The following SLC16A10 variants were observed in gnomAD, a reference collection of about 807,000 sequenced individuals.
SLC16A10 encodes solute carrier family 16 member 10.
A neutral mutation model predicts 40.0 loss-of-function variants in SLC16A10; 27 were observed. The ratio of observed to expected loss-of-function variants is 0.67; its 90% CI spans 0.50 to 0.93. The LOEUF (loss-of-function observed/expected upper bound fraction) is 0.93. SLC16A10 is among the 40% of genes least tolerant of loss of function. The pLI is 0.00. For missense variants in SLC16A10, 529 were observed against 658.2 expected (o/e 0.80, Z 2.15); for synonymous variants, 213 against 249.8 (o/e 0.85, Z 1.39).
At chr6:111,106,591 A>C (rs1306310746) in intron 1 of SLC16A10, among the ~76,000 whole-genome samples, 1 of 152,234 alleles carries the variant, frequency 6.6e-6, no homozygotes, top group Non-Finnish European at 1.5e-5. Context: ...ACTTGAGAGG[A>C]TAAATTAATC....
At chr6:111,127,134 G>A (rs761809248) in intron 1 of SLC16A10, among the ~76,000 whole-genome samples, 27 of 152,148 alleles carry the variant, frequency 1.8e-4, no homozygotes, top group Non-Finnish European at 5.9e-5. Flanking sequence ...AGGAGCACAG[G>A]GCAAACCTGG....
chr6:111,112,731 CA>C (rs1451657759), intron 1 of SLC16A10, among the ~76,000 whole-genome samples: 1 of 152,098 alleles, frequency 6.6e-6, no homozygotes, highest in Non-Finnish European at 1.5e-5. Flanking sequence ...TTTTTATTTG[CA>C]ATTTTGCCTT....
At chr6:111,198,167 A>G (rs752149868) in intron 3 of SLC16A10, among the ~76,000 whole-genome samples, 2 of 152,116 alleles carry the variant, frequency 1.3e-5, no homozygotes, top group East Asian at 3.9e-4. Flanking sequence ...CACACCTGTA[A>G]TCTCAGCTAC....
chr6:111,112,693 CTATT>C (rs1166347733), intron 1 of SLC16A10, among the ~76,000 whole-genome samples: 8 of 152,162 alleles, frequency 5.3e-5, no homozygotes, highest in African/African-American at 7.2e-5. Context: ...ATTCCAATGT[CTATT>C]TAATTAGTAG....
At chr6:111,151,140 G>A (rs931911021) in intron 1 of SLC16A10, among the ~76,000 whole-genome samples, 1 of 152,142 alleles carries the variant, frequency 6.6e-6, no homozygotes, top group African/African-American at 2.4e-5. Context: ...AATTTGGAAA[G>A]TACCCCATGA....
Position 111,219,053 on chromosome 6 carries a change from T to G in SLC16A10, c.1315+11T>G. ...GCCCACCCATTGCAGGTAAATATAA[T>G]GATTCTCCAGTAGTTATATTAATTC... On this transcript the variant is annotated intron_variant, in intron 5 of 5. Transcript: ENST00000368851. The G allele has an allele frequency of 6.2e-7, 1 of 1,600,778 alleles. No homozygotes were observed. The highest frequency in any genetic ancestry group is 8.6e-7 in the Non-Finnish European group (1 of 1,167,856).
At position 111,177,301 on chromosome 6, in the gene SLC16A10, A is replaced by G. The variant is rs781034355; in HGVS notation, c.578A>G (p.His193Arg). Residue 193 changes from histidine (H) to arginine (R), a missense_variant, in exon 3 of 6, where the codon CAC becomes CGC. Transcript: ENST00000368851. ...CAGCCTTCATTGGTCATTTTGGGACACTATTTCAAGAAGCGCCTTGGACTG... is the reference window on the plus strand; with the variant it reads ...CAGCCTTCATTGGTCATTTTGGGACGCTATTTCAAGAAGCGCCTTGGACTG... ...AYQPSLVILG[H>R]YFKKRLGLVN... is the part of the protein sequence containing the mutation. 1 of 1,612,198 alleles carries G rather than the reference A, an allele frequency of 6.2e-7. No homozygotes were observed. Among genetic ancestry groups the G allele is most frequent in the Non-Finnish European group, 8.5e-7 (1 of 1,179,374 alleles).
chr6:111,185,076 T>C (rs768084259), intron 3 of SLC16A10, among the ~76,000 whole-genome samples: 3 of 152,146 alleles, frequency 2.0e-5, no homozygotes, highest in Non-Finnish European at 4.4e-5. Flanking sequence ...ATGTAACATT[T>C]GCCAAGAATT....
intron 1 of SLC16A10, among the ~76,000 whole-genome samples, chr6:111,109,616 A>C (rs1203763992): frequency 6.6e-6 from 1 of 151,890 alleles, no homozygotes; most frequent in East Asian, 1.9e-4. Flanking sequence ...TAGTCTGTCT[A>C]ATTTTTAAAT....
chr6:111,193,014 ATTC>A (rs1053108222), intron 3 of SLC16A10, among the ~76,000 whole-genome samples: 30 of 152,206 alleles, frequency 2.0e-4, no homozygotes, highest in African/African-American at 6.3e-4. Context: ...TCATGTGGTT[ATTC>A]TTCTTATTAC....
intron 1 of SLC16A10, among the ~76,000 whole-genome samples, chr6:111,137,956 G>T (rs1336208132): frequency 6.6e-6 from 1 of 152,224 alleles, no homozygotes; most frequent in African/African-American, 2.4e-5. Context: ...AGCACAGGGG[G>T]AGGGACAATG....
chr6:111,188,975 T>C (rs979117568), intron 3 of SLC16A10, among the ~76,000 whole-genome samples: 1 of 152,186 alleles, frequency 6.6e-6, no homozygotes, highest in Non-Finnish European at 1.5e-5. Context: ...AGATTTCCAG[T>C]TTATTCTAAT....
intron 1 of SLC16A10, among the ~76,000 whole-genome samples, chr6:111,138,819 C>A (rs889950569): frequency 9.2e-5 from 14 of 152,058 alleles, no homozygotes; most frequent in Non-Finnish European, 2.1e-4. Context: ...TTCCTTAGTT[C>A]CTTCCTAGCT....
chr6:111,139,674 T>C (rs906204749), intron 1 of SLC16A10, among the ~76,000 whole-genome samples: 2 of 152,224 alleles, frequency 1.3e-5, no homozygotes, highest in East Asian at 3.8e-4. Flanking sequence ...CATTCTATCA[T>C]TGATGGGCAT....
At chr6:111,129,715 C>G (rs964152857) in intron 1 of SLC16A10, among the ~76,000 whole-genome samples, 4 of 152,166 alleles carry the variant, frequency 2.6e-5, no homozygotes, top group Non-Finnish European at 5.9e-5. Flanking sequence ...ACTGACAGCT[C>G]CCCATATCCA....
intron 3 of SLC16A10, among the ~76,000 whole-genome samples, chr6:111,194,289 G>A (rs746718005): frequency 1.3e-5 from 2 of 151,984 alleles, no homozygotes; most frequent in African/African-American, 2.4e-5. Flanking sequence ...CATCTTGCAG[G>A]GAGAAGAGTT....
At chr6:111,104,645 C>T (rs569286735) in intron 1 of SLC16A10, among the ~76,000 whole-genome samples, 6 of 152,118 alleles carry the variant, frequency 3.9e-5, no homozygotes, top group South Asian at 4.2e-4. Flanking sequence ...ACATCAAGGG[C>T]GATGTCAGGC....
At chr6:111,122,197 C>T (rs150284887) in intron 1 of SLC16A10, among the ~76,000 whole-genome samples, 11 of 152,152 alleles carry the variant, frequency 7.2e-5, no homozygotes, top group African/African-American at 2.2e-4. Context: ...AGGCTGGCAG[C>T]GTGCTGGCAT....
At chr6:111,208,023 C>T (rs950583726) in intron 4 of SLC16A10, among the ~76,000 whole-genome samples, 1 of 152,060 alleles carries the variant, frequency 6.6e-6, no homozygotes, top group African/African-American at 2.4e-5. Flanking sequence ...GGCTGGAGTA[C>T]AGTGGTGCCA....
Sources: allele counts gnomAD v4.1 joint callset (sites outside exome capture counted in the v4.1 genomes callset), GRCh38; gene constraint gnomAD v4.1.1; transcripts MANE v1.5; gene names NCBI Gene and HGNC (gene_info 2026-07-23, HGNC 2026-07-21).